FAT2: variants seen among roughly 807,000 people sequenced by gnomAD.
FAT2 encodes the protein FAT atypical cadherin 2, also known as protocadherin Fat 2.
FAT2 carries 150 observed loss-of-function variants against 295.3 expected under a neutral mutation model. The observed-to-expected ratio is 0.51, with a 90% CI of 0.44 to 0.58. The LOEUF (loss-of-function observed/expected upper bound fraction) is 0.58. FAT2 is among the 20% of genes least tolerant of loss of function. The pLI is 0.00. For missense variants in FAT2, 4,868 were observed against 5,442.7 expected (o/e 0.89, Z 3.32); for synonymous variants, 2,026 against 2,150.3 (o/e 0.94, Z 1.60).
intron 14 of FAT2, among the ~76,000 whole-genome samples, chr5:151,530,933 A>G (rs2127590207): frequency 6.6e-6 from 1 of 152,250 alleles, no homozygotes; most frequent in East Asian, 1.9e-4. Flanking sequence ...AATATTGCTC[A>G]ATGATAAGGC....
At position 151,533,757 on chromosome 5, in the gene FAT2, GAT is replaced by G. The variant is rs377278077; in HGVS notation, c.9427+650_9427+651del. Among the ~76,000 whole-genome samples the G allele has an allele frequency of 6.0e-3, 903 of 150,776 alleles. 20 individuals carry two copies. Among genetic ancestry groups the G allele is most frequent in the Admixed American group, 0.038 (581 of 15,114 alleles). Reference sequence around the variant, plus strand: ...CATACACACATACATATATATATGTGATATATATATATCACATTAATGAGTTA... The same window carrying G: ...CATACACACATACATATATATATGTGATATATATATCACATTAATGAGTTA... On this transcript the variant is annotated intron_variant, in intron 13 of 23. Transcript: ENST00000261800.
At chr5:151,539,428 G>GT (rs1472976500) in intron 11 of FAT2, among the ~76,000 whole-genome samples, 1 of 152,182 alleles carries the variant, frequency 6.6e-6, no homozygotes, top group Non-Finnish European at 1.5e-5. Context: ...GTTACGTATA[G>GT]TTGCATGTGT....
Position 151,568,594 on chromosome 5 carries a change from T to C in FAT2, c.338A>G (p.Asp113Gly), listed in dbSNP as rs772213660. The change falls in exon 2 of 24, where the codon GAC becomes GGC. Residue 113 changes from aspartate to glycine, a missense_variant. This residue lies in a region of FAT2 where 3,297 missense variants were observed against 3,669.4 expected (regional missense o/e 0.90). Coordinates refer to ENST00000261800, the MANE Select transcript of FAT2 (RefSeq NM_001447.3). ...NTALLNREVR[D>G]SYTLIIQATE... Reference sequence around the variant, plus strand: ...GGCTTGGATGATGAGGGTGTAGCTGTCTCGCACCTCTCTGTTCAGAAGAGC... The same window carrying C: ...GGCTTGGATGATGAGGGTGTAGCTGCCTCGCACCTCTCTGTTCAGAAGAGC... 14 of 1,614,016 alleles carry C rather than the reference T, an allele frequency of 8.7e-6. No homozygotes were observed. The highest frequency in any genetic ancestry group is 1.1e-5 in the Non-Finnish European group (13 of 1,180,036).
intron 3 of FAT2, among the ~76,000 whole-genome samples, chr5:151,559,857 A>T (rs1757945631): frequency 1.3e-5 from 2 of 152,078 alleles, no homozygotes; most frequent in African/African-American, 4.8e-5. Flanking sequence ...GAAGTGCCTG[A>T]ATAGAATGGG....
At chr5:151,561,920 A>G (rs1449828432) in intron 3 of FAT2, among the ~76,000 whole-genome samples, 4 of 152,230 alleles carry the variant, frequency 2.6e-5, no homozygotes, top group Admixed American at 2.6e-4. Context: ...GGAACTGTTG[A>G]TAGTAAACAG....
At position 151,542,954 on chromosome 5, in the gene FAT2, T is replaced by A. The variant is rs1478687276; in HGVS notation, c.8173A>T (p.Ser2725Cys). 6.2e-7 allele frequency: 1 copy of A among 1,614,122 alleles called. No homozygotes were observed. The highest frequency in any genetic ancestry group is 8.5e-7 in the Non-Finnish European group (1 of 1,180,054). ...TCAGGTGTAGTGCCCCGCACTAGAC[T>A]GTAGATGACTGGATCTTGAGCTGCC... Reference protein sequence around the residue: ...AVAAQDPVIYSLVRGTTPESN... With the variant: ...AVAAQDPVIYCLVRGTTPESN... The change falls in exon 10 of 24, where the codon AGT becomes TGT. Residue 2725 changes from serine (S) to cysteine (C), a missense_variant. Ser to Cys is a moderately radical substitution (Grantham distance 112). Transcript: ENST00000261800.
At chr5:151,555,481 C>T (rs926715823) in intron 4 of FAT2, among the ~76,000 whole-genome samples, 12 of 151,370 alleles carry the variant, frequency 7.9e-5, no homozygotes, top group East Asian at 3.9e-4. Context: ...AGTGCTTCTC[C>T]GCCTCAGCCT....
At chr5:151,562,123 T>C (rs1275794695) in intron 3 of FAT2, among the ~76,000 whole-genome samples, 1 of 152,112 alleles carries the variant, frequency 6.6e-6, no homozygotes, top group Non-Finnish European at 1.5e-5. Context: ...CAGGAAAGGT[T>C]GACAATAAAT....
chr5:151,544,036 A>G lies in FAT2; in HGVS notation c.7091T>C (p.Leu2364Pro). The G allele has an allele frequency of 1.9e-6, 3 of 1,614,206 alleles. No homozygotes were observed. Among genetic ancestry groups the G allele is most frequent in the Non-Finnish European group, 1.7e-6 (2 of 1,180,028 alleles). The change falls in exon 10 of 24, where the codon CTT becomes CCT. Residue 2364 changes from leucine to proline, a missense_variant. By Grantham distance (98) the Leu-to-Pro change is moderately conservative (BLOSUM62 -3). Around this residue, in one of 5 missense-constraint regions of FAT2, gnomAD observed 3,297 missense variants for 3,669.4 expected, o/e 0.90. Coordinates refer to ENST00000261800, the MANE Select transcript of FAT2 (RefSeq NM_001447.3). ...KGDPPLTGET[L>P]VVVNVSDIND... is the part of the protein sequence containing the mutation. ...GATATCAGACACATTGACAACCACAAGGGTTTCACCAGTGAGTGGGGGATC... is the reference window on the plus strand; with the variant it reads ...GATATCAGACACATTGACAACCACAGGGGTTTCACCAGTGAGTGGGGGATC...
rs534143525 is a variant in FAT2, at chr5:151,508,727, A to G, written c.12060-1116T>C. ...TCCTTCTCAAAAAAAAAAAAAAAGG[A>G]CTGGGGTCATCAGCATACCCAGAGT... On this transcript the variant is annotated intron_variant, in intron 22 of 23. Coordinates refer to ENST00000261800, the MANE Select transcript of FAT2 (RefSeq NM_001447.3). 2.6e-4 allele frequency among the ~76,000 whole-genome samples: 39 copies of G among 149,950 alleles called. No individual in the cohort carries two copies. The South Asian group carries it at 8.1e-3, about 31-fold the overall frequency.
chr5:151,516,700 A>C (rs1221100137), intron 20 of FAT2, among the ~76,000 whole-genome samples: 1 of 152,178 alleles, frequency 6.6e-6, no homozygotes, highest in Non-Finnish European at 1.5e-5. Context: ...TGTCTTTTTC[A>C]CTGATGAGAC....
rs1449978425 is a variant in FAT2, at chr5:151,505,435, G to GACA, written c.*127_*129dup. ...GGGATTGGAAGAGCACATTTCAAGGGACAACAGCCTGGGCTGAGGGCTTCC... is the reference window on the plus strand; with the variant it reads ...GGGATTGGAAGAGCACATTTCAAGGGACAACAACAGCCTGGGCTGAGGGCTTCC... On this transcript the variant is annotated 3_prime_UTR_variant, in exon 24 of 24. Transcript: ENST00000261800. The GACA allele has an allele frequency of 8.9e-7, 1 of 1,124,328 alleles. No individual in the cohort carries two copies. Among genetic ancestry groups the GACA allele is most frequent in the African/African-American group, 1.6e-5 (1 of 63,084 alleles). The allele number at this position is 1,124,328 out of a possible 1,614,324, so 69.6% of individuals were successfully genotyped here.
In FAT2 at chr5:151,542,676, A is replaced by C. The variant is rs137956807; in HGVS notation, c.8451T>G (p.Ile2817Met). 61 of 1,614,062 alleles carry C rather than the reference A, an allele frequency of 3.8e-5. No homozygotes were observed. Among genetic ancestry groups the C allele is most frequent in the Non-Finnish European group, 4.9e-5 (58 of 1,180,034 alleles). Residue 2817 changes from isoleucine (I) to methionine (M), a missense_variant, in exon 10 of 24, where the codon ATT becomes ATG. Ile to Met is a conservative substitution (Grantham distance 10). Around this residue, in one of 5 missense-constraint regions of FAT2, gnomAD observed 3,297 missense variants for 3,669.4 expected, o/e 0.90. Coordinates refer to ENST00000261800, the MANE Select transcript of FAT2 (RefSeq NM_001447.3). ...TENMPVGTSVIQVTAIDKDTG... is the reference protein window; with the variant it reads ...TENMPVGTSVMQVTAIDKDTG... ...TGTCCTTGTCAATGGCAGTCACTTGAATGACTGAGGTCCCCACTGGCATAT... is the reference window on the plus strand; with the variant it reads ...TGTCCTTGTCAATGGCAGTCACTTGCATGACTGAGGTCCCCACTGGCATAT...
At position 151,534,442 on chromosome 5, in the gene FAT2, C is replaced by A; in HGVS notation, c.9394G>T (p.Val3132Leu). Residue 3132 changes from valine (V) to leucine (L), a missense_variant, in exon 13 of 24, where the codon GTG becomes TTG. Val to Leu is a conservative substitution (Grantham distance 32). Coordinates refer to ENST00000261800, the MANE Select transcript of FAT2 (RefSeq NM_001447.3). ...GGATCCCGGGCAAATACTACAGCCACAGGGGTCTTCACTGTGGTGTTGTCG... is the reference window on the plus strand; with the variant it reads ...GGATCCCGGGCAAATACTACAGCCAAAGGGGTCTTCACTGTGGTGTTGTCG... ...VFDNTTVKTP[V>L]AVVFARDPDQ... 6.2e-7 allele frequency: 1 copy of A among 1,612,880 alleles called. No homozygotes were observed. The highest frequency in any genetic ancestry group is 1.1e-5 in the South Asian group (1 of 90,996).
At chr5:151,528,792 G>T (rs1380628630) in intron 15 of FAT2, among the ~76,000 whole-genome samples, 2 of 152,078 alleles carry the variant, frequency 1.3e-5, no homozygotes, top group Non-Finnish European at 2.9e-5. Context: ...GTATTATTTG[G>T]TGTCCCCTCA....
Position 151,521,900 on chromosome 5 carries a change from T to A in FAT2, c.10693A>T (p.Thr3565Ser), listed in dbSNP as rs2127580277. The A allele has an allele frequency of 6.2e-7, 1 of 1,613,820 alleles. No homozygotes were observed. Among genetic ancestry groups the A allele is most frequent in the Non-Finnish European group, 8.5e-7 (1 of 1,179,792 alleles). The change falls in exon 19 of 24, where the codon ACC becomes TCC. Residue 3565 changes from threonine (T) to serine (S), a missense_variant. Thr to Ser is a moderately conservative substitution (Grantham distance 58). This residue lies in a region of FAT2 where 1,046 missense variants were observed against 1,210.1 expected (regional missense o/e 0.86). Transcript: ENST00000261800. ...ATDRDPQDTL[T>S]YSLAEEETLG... Reference sequence around the variant, plus strand: ...GTCTCCTCTTCTGCCAGGCTATAGGTCAGCGTGTCCTGGGGGTCTCGGTCT... The same window carrying A: ...GTCTCCTCTTCTGCCAGGCTATAGGACAGCGTGTCCTGGGGGTCTCGGTCT...
Position 151,543,682 on chromosome 5 carries a change from T to G in FAT2, c.7445A>C (p.Gln2482Pro). ...TNANKYSPEF[Q>P]QHLYEAELAE... ...TAATTCTGCCTCATAAAGGTGCTGC[T>G]GGAACTCTGGGCTGTACTTGTTGGC... The change falls in exon 10 of 24, where the codon CAG (glutamine) becomes CCG (proline). Residue 2482 changes from glutamine (Q) to proline (P), a missense_variant. Physicochemically the swap from Gln to Pro is moderately conservative, Grantham distance 76 (BLOSUM62 -1). Transcript: ENST00000261800. 6.2e-7 allele frequency: 1 copy of G among 1,614,224 alleles called. No homozygotes were observed. The highest frequency in any genetic ancestry group is 1.1e-5 in the South Asian group (1 of 91,090).
In FAT2 at chr5:151,522,029, T is replaced by A; in HGVS notation, c.10564A>T (p.Thr3522Ser). The A allele has an allele frequency of 6.2e-7, 1 of 1,612,462 alleles. No homozygotes were observed. The highest frequency in any genetic ancestry group is 8.5e-7 in the Non-Finnish European group (1 of 1,178,700). The change falls in exon 19 of 24, where the codon ACA (threonine) becomes TCA (serine). Residue 3522 changes from threonine (T) to serine (S), a missense_variant. Around this residue, in one of 5 missense-constraint regions of FAT2, gnomAD observed 1,046 missense variants for 1,210.1 expected, o/e 0.86. Transcript: ENST00000261800. Reference sequence around the variant, plus strand: ...GAAGGTGCATAGTGGCTCTGCTCTGTGACATGGACACGGACAGACGTCAAA... The same window carrying A: ...GAAGGTGCATAGTGGCTCTGCTCTGAGACATGGACACGGACAGACGTCAAA... ...SSLTSVRVHV[T>S]EQSHYAPSAL...
rs1273758623 is a variant in FAT2 at position 151,505,839 on chromosome 5, G to A, written c.12776C>T (p.Pro4259Leu). The change falls in exon 24 of 24, where the codon CCC becomes CTC. Residue 4259 changes from proline (P) to leucine (L), a missense_variant. Transcript: ENST00000261800. ...EDLMPSRPPSPRERLVAPCLN... is the reference protein window; with the variant it reads ...EDLMPSRPPSLRERLVAPCLN... ...ACAGGGGGCAACCAGGCGCTCCCGGGGACTAGGGGGCCGAGAGGGCATCAG... is the reference window on the plus strand; with the variant it reads ...ACAGGGGGCAACCAGGCGCTCCCGGAGACTAGGGGGCCGAGAGGGCATCAG... 1 of 1,612,912 alleles carries A rather than the reference G, an allele frequency of 6.2e-7. No individual in the cohort carries two copies. Among genetic ancestry groups the A allele is most frequent in the South Asian group, 1.1e-5 (1 of 91,002 alleles).
Sources: gnomAD v4.1 joint callset for allele counts (sites outside exome capture counted in the v4.1 genomes callset) on GRCh38, gnomAD v4.1.1 for gene constraint, gnomAD v4.1.1 regional missense constraint, MANE v1.5 for transcripts, NCBI Gene and HGNC (gene_info 2026-07-23, HGNC 2026-07-21) for gene names.